The following SLC8A3 variants were observed in gnomAD, a reference collection of about 807,000 sequenced individuals.
SLC8A3 encodes the protein solute carrier family 8 member A3.
In SLC8A3, 37 loss-of-function variants were observed where a neutral mutation model predicts 65.4. The ratio of observed to expected loss-of-function variants is 0.57; its 90% CI spans 0.44 to 0.74. SLC8A3 has a LOEUF of 0.74. SLC8A3 is among the 30% of genes least tolerant of loss of function. The pLI, the probability that SLC8A3 is intolerant of heterozygous loss-of-function variation, is 0.00. For synonymous variants in SLC8A3, 461 were observed against 444.5 expected, an observed-to-expected ratio of 1.04 and a Z score of -0.47; for missense variants, 1,112 against 1,172.1, an observed-to-expected ratio of 0.95 and a Z score of 0.75.
At chr14:70,158,155 C>A (rs1027973853) in intron 2 of SLC8A3, among the ~76,000 whole-genome samples, 10 of 152,146 alleles carry the variant, frequency 6.6e-5, no homozygotes, top group African/African-American at 2.4e-4. Context: ...GTGGATGCAG[C>A]AAAGAATGTT....
chr14:70,145,185 C>G (rs544085880), intron 2 of SLC8A3, among the ~76,000 whole-genome samples: 1 of 152,166 alleles, frequency 6.6e-6, no homozygotes, highest in Non-Finnish European at 1.5e-5. Flanking sequence ...TTGGATTAAA[C>G]CCTCTTTCAA....
chr14:70,064,625 C>G (rs1285944431), intron 2 of SLC8A3, among the ~76,000 whole-genome samples: 1 of 152,106 alleles, frequency 6.6e-6, no homozygotes, highest in Non-Finnish European at 1.5e-5. Context: ...GCCTGAAAAG[C>G]TACTGACACT....
At chr14:70,087,502 C>CT (rs1594962225) in intron 2 of SLC8A3, among the ~76,000 whole-genome samples, 1 of 152,080 alleles carries the variant, frequency 6.6e-6, no homozygotes, top group African/African-American at 2.4e-5. Flanking sequence ...TTTATCTGCA[C>CT]TTTTTTTTCC....
At position 70,051,123 on chromosome 14, in the gene SLC8A3, A is replaced by G; in HGVS notation, c.2014-16T>C. ...CCACCGTAGTCTGTTAAGAAGAGAAAAACTTGGAACCATGAGGTTAGAATG... is the reference window on the plus strand; with the variant it reads ...CCACCGTAGTCTGTTAAGAAGAGAAGAACTTGGAACCATGAGGTTAGAATG... On this transcript the variant is annotated splice_polypyrimidine_tract_variant and intron_variant, in intron 4 of 6. Coordinates refer to ENST00000356921, the MANE Select transcript of SLC8A3 (RefSeq NM_182932.3). The G allele has an allele frequency of 6.3e-7, 1 of 1,580,642 alleles. No individual in the cohort carries two copies. Among genetic ancestry groups the G allele is most frequent in the South Asian group, 1.1e-5 (1 of 90,388 alleles).
chr14:70,150,628 C>T (rs551408170), intron 2 of SLC8A3, among the ~76,000 whole-genome samples: 1 of 152,298 alleles, frequency 6.6e-6, no homozygotes, highest in South Asian at 2.1e-4. Flanking sequence ...AGCTTGGCTG[C>T]CCTTAGGTTG....
rs151249269 is a variant in SLC8A3 at position 70,086,523 on chromosome 14, T to A, written c.1785-25584A>T. ...TTCAAGTGATTCTCCGGCCTCAGCC[T>A]CCCGAGTAGCTGGGATTACAGGAGC... On this transcript the variant is annotated intron_variant, in intron 2 of 6. Coordinates refer to ENST00000356921, the MANE Select transcript of SLC8A3 (RefSeq NM_182932.3). 1.5e-3 allele frequency among the ~76,000 whole-genome samples: 222 copies of A among 150,550 alleles called. 6 individuals are homozygous for A. In the East Asian group the frequency reaches 0.039, roughly 27 times the overall value.
At chr14:70,077,375 T>C (rs1047013496) in intron 2 of SLC8A3, among the ~76,000 whole-genome samples, 14 of 152,352 alleles carry the variant, frequency 9.2e-5, no homozygotes, top group Admixed American at 7.8e-4. Flanking sequence ...CAGTGGAAGC[T>C]GAATGCCTTT....
chr14:70,072,283 C>G (rs1190554782), intron 2 of SLC8A3, among the ~76,000 whole-genome samples: 1 of 152,166 alleles, frequency 6.6e-6, no homozygotes, highest in Non-Finnish European at 1.5e-5. Context: ...TCTGAGGTAA[C>G]TGCATGATTA....
chr14:70,044,598 A>G lies in SLC8A3; in HGVS notation c.*1349T>C, dbSNP rs569741895. On this transcript the variant is annotated 3_prime_UTR_variant, in exon 7 of 7. Transcript: ENST00000356921. Reference sequence around the variant, plus strand: ...GATTATGACAACTAAGATTCCTCTTACTGGAGCAAGAACTACCCCATAGGC... The same window carrying G: ...GATTATGACAACTAAGATTCCTCTTGCTGGAGCAAGAACTACCCCATAGGC... The G allele has an allele frequency of 6.6e-6, 1 of 152,302 alleles. No individual in the cohort carries two copies. The highest frequency in any genetic ancestry group is 6.5e-5 in the Admixed American group (1 of 15,308). The allele number at this position is 152,302 out of a possible 1,614,324, so 9.4% of individuals were successfully genotyped here.
rs1178574847 is a variant in SLC8A3 at position 70,167,559 on chromosome 14, A to G, written c.864T>C (p.Asp288=). ...GAAAATGGGAATTCATCATTTTCCC[A>G]TCCATCTCAATGCCCTTAGGGTGGT... is the stretch of plus-strand genomic sequence containing the variant. ...EGDHPKGIEM[D]GKMMNSHFLD... is the part of the protein sequence containing the mutation. Residue 288 remains aspartate (D), a synonymous_variant, in exon 2 of 7, where the codon GAT becomes GAC. Transcript: ENST00000356921. 6.2e-7 allele frequency: 1 copy of G among 1,613,988 alleles called. No individual in the cohort carries two copies. Among genetic ancestry groups the G allele is most frequent in the Admixed American group, 1.7e-5 (1 of 60,022 alleles).
rs1018682998 is a variant in SLC8A3 at position 70,175,731 on chromosome 14, T to C, written c.-62-7247A>G. ...TTCAAGTCAATATAGGGAAGCTTTTTTTTTTCTTTTTTTTTTTTTTTGAGA... is the reference window on the plus strand; with the variant it reads ...TTCAAGTCAATATAGGGAAGCTTTTCTTTTTCTTTTTTTTTTTTTTTGAGA... On this transcript the variant is annotated intron_variant, in intron 1 of 6. Transcript: ENST00000356921. 3.5e-5 allele frequency among the ~76,000 whole-genome samples: 5 copies of C among 144,084 alleles called. 1 individual carries two copies. Among genetic ancestry groups the C allele is most frequent in the African/African-American group, 1.4e-4 (5 of 36,902 alleles). The allele number at this position is 144,084 out of a possible 152,430, so 94.5% of individuals were successfully genotyped here. A position where few individuals can be genotyped will look rare whatever the true frequency, so the allele number is the denominator to read the frequency against.
At chr14:70,114,911 C>G (rs1893557134) in intron 2 of SLC8A3, among the ~76,000 whole-genome samples, 1 of 152,256 alleles carries the variant, frequency 6.6e-6, no homozygotes, top group African/African-American at 2.4e-5. Context: ...GTCTCTTCCT[C>G]TCCCGTGACC....
chr14:70,053,335 G>A (rs1027440080), intron 3 of SLC8A3, among the ~76,000 whole-genome samples: 4 of 152,188 alleles, frequency 2.6e-5, no homozygotes, highest in African/African-American at 9.7e-5. Context: ...TCTCTGATTA[G>A]TTAATTCTGA....
intron 2 of SLC8A3, among the ~76,000 whole-genome samples, chr14:70,066,688 G>A (rs1181939621): frequency 6.6e-6 from 1 of 152,212 alleles, no homozygotes; most frequent in African/African-American, 2.4e-5. Flanking sequence ...GTGCATGCCT[G>A]TAATCCCAGC....
At chr14:70,093,065 A>G (rs1891913493) in intron 2 of SLC8A3, among the ~76,000 whole-genome samples, 1 of 152,236 alleles carries the variant, frequency 6.6e-6, no homozygotes, top group Non-Finnish European at 1.5e-5. Flanking sequence ...AGGTGGGAGC[A>G]AGCACATGTC....
intron 2 of SLC8A3, among the ~76,000 whole-genome samples, chr14:70,120,379 G>A (rs1893972833): frequency 1.3e-5 from 2 of 152,188 alleles, no homozygotes; most frequent in Admixed American, 1.3e-4. Flanking sequence ...TTGAAGGTGG[G>A]AAAGGTGTGC....
chr14:70,096,696 A>G (rs1359568963), intron 2 of SLC8A3, among the ~76,000 whole-genome samples: 4 of 152,320 alleles, frequency 2.6e-5, no homozygotes, highest in East Asian at 1.9e-4. Context: ...AAAGAATAAT[A>G]AACAAATCCT....
chr14:70,170,031 T>C (rs1897414991), intron 1 of SLC8A3, among the ~76,000 whole-genome samples: 1 of 152,162 alleles, frequency 6.6e-6, no homozygotes, highest in Non-Finnish European at 1.5e-5. Context: ...AGCCTCCTAA[T>C]GGAGCTCACC....
In SLC8A3 at chr14:70,066,299, G is replaced by A. The variant is rs544830130; in HGVS notation, c.1785-5360C>T. Reference sequence around the variant, plus strand: ...TTACTTCTGCTCAAGTCACAAATGAGGCTTTAAGTTTAATACAAGTCACCA... The same window carrying A: ...TTACTTCTGCTCAAGTCACAAATGAAGCTTTAAGTTTAATACAAGTCACCA... On this transcript the variant is annotated intron_variant, in intron 2 of 6. Transcript: ENST00000356921. Among the ~76,000 whole-genome samples, 5 of 152,292 alleles carry A rather than the reference G, an allele frequency of 3.3e-5. No homozygotes were observed. In the East Asian group the frequency reaches 9.6e-4, roughly 29 times the overall value.
Sources: allele counts gnomAD v4.1 joint callset (sites outside exome capture counted in the v4.1 genomes callset), GRCh38; gene constraint gnomAD v4.1.1; transcripts MANE v1.5; gene names NCBI Gene and HGNC (gene_info 2026-07-23, HGNC 2026-07-21).